The following CTNND2 variants were observed in gnomAD, a reference collection of about 807,000 sequenced individuals.
The protein encoded by CTNND2 is catenin delta 2, also known as catenin delta-2.
A neutral mutation model predicts 144.4 loss-of-function variants in CTNND2; 22 were observed. That is an observed-to-expected ratio of 0.15 (90% CI 0.11 to 0.22). The LOEUF is 0.22. Ranked by LOEUF, CTNND2 falls within the 10% of genes least tolerant of loss-of-function variation. The probability of loss-of-function intolerance (pLI) is 1.00; values close to 1 mark genes in which losing one functional copy is unlikely to be tolerated. For missense variants in CTNND2, 1,353 were observed against 1,618.8 expected (o/e 0.84, Z 2.82); for synonymous variants, 751 against 695.6 (o/e 1.08, Z -1.25).
At chr5:11,755,057 CTT>C (rs1788859302) in intron 1 of CTNND2, among the ~76,000 whole-genome samples, 1 of 151,416 alleles carries the variant, frequency 6.6e-6, no homozygotes, top group Non-Finnish European at 1.5e-5. Context: ...AGTTGTGTGT[CTT>C]TTTGTGGTGG....
intron 3 of CTNND2, among the ~76,000 whole-genome samples, chr5:11,479,195 C>T (rs1030218251): frequency 6.6e-6 from 1 of 152,076 alleles, no homozygotes; most frequent in African/African-American, 2.4e-5. Flanking sequence ...TTCCCCTCTT[C>T]GTGTCCATGT....
chr5:11,457,070 C>A (rs1170332123), intron 3 of CTNND2, among the ~76,000 whole-genome samples: 1 of 152,128 alleles, frequency 6.6e-6, no homozygotes, highest in African/African-American at 2.4e-5. Context: ...CGTATATTGT[C>A]TCATTTAATT....
At position 11,061,442 on chromosome 5, in the gene CTNND2, A is replaced by T. The variant is rs534021964; in HGVS notation, c.2788+21254T>A. Among the ~76,000 whole-genome samples, 15 of 152,256 alleles carry T rather than the reference A, an allele frequency of 9.9e-5. 1 individual carries two copies. In the South Asian group the frequency reaches 2.3e-3, roughly 23 times the overall value. ...CCCGCACTCACCATCAGCATCTCTGACCTTTCCCTGCCTCGTTTTCCAGCT... is the reference window on the plus strand; with the variant it reads ...CCCGCACTCACCATCAGCATCTCTGTCCTTTCCCTGCCTCGTTTTCCAGCT... On this transcript the variant is annotated intron_variant, in intron 16 of 21. Coordinates refer to ENST00000304623, the MANE Select transcript of CTNND2 (RefSeq NM_001332.4).
intron 13 of CTNND2, among the ~76,000 whole-genome samples, chr5:11,114,835 T>C (rs990702044): frequency 3.9e-5 from 6 of 152,128 alleles, no homozygotes; most frequent in African/African-American, 1.4e-4. Context: ...CAATTTGTCA[T>C]TGTGAAAGCT....
At chr5:11,340,207 C>T (rs370582649) in intron 9 of CTNND2, among the ~76,000 whole-genome samples, 1 of 152,204 alleles carries the variant, frequency 6.6e-6, no homozygotes, top group Admixed American at 6.5e-5. Flanking sequence ...TGTACCAGCC[C>T]TCACCTCCTC....
Position 11,652,536 on chromosome 5 carries a change from T to A in CTNND2, c.174+79600A>T, listed in dbSNP as rs115921654. Among the ~76,000 whole-genome samples the A allele has an allele frequency of 8.0e-3, 1,223 of 152,344 alleles. 11 individuals are homozygous for A. Among genetic ancestry groups the A allele is most frequent in the African/African-American group, 0.027 (1,137 of 41,584 alleles). ...ATTGACATTTGTGAATGGCACCTTT[T>A]CTCACTATATTGTTATTGCTAGTCT... On this transcript the variant is annotated intron_variant, in intron 2 of 21. Transcript: ENST00000304623.
intron 7 of CTNND2, among the ~76,000 whole-genome samples, chr5:11,371,626 A>G (rs1757486882): frequency 6.6e-6 from 1 of 152,200 alleles, no homozygotes; most frequent in African/African-American, 2.4e-5. Flanking sequence ...ATGTTAATTC[A>G]AAACTTAAAT....
At chr5:11,641,745 C>CAT (rs1554098219) in intron 2 of CTNND2, among the ~76,000 whole-genome samples, 2 of 134,690 alleles carry the variant, frequency 1.5e-5, no homozygotes, top group East Asian at 2.6e-4. Flanking sequence ...TATACATATA[C>CAT]GTGTGTATGT....
At chr5:11,891,681 C>G (rs1451634561) in intron 1 of CTNND2, among the ~76,000 whole-genome samples, 1 of 152,174 alleles carries the variant, frequency 6.6e-6, no homozygotes, top group Non-Finnish European at 1.5e-5. Context: ...GAGGAGAGCC[C>G]TCACCTGGAA....
At chr5:11,392,260 A>C (rs1759700275) in intron 6 of CTNND2, among the ~76,000 whole-genome samples, 1 of 152,220 alleles carries the variant, frequency 6.6e-6, no homozygotes, top group Non-Finnish European at 1.5e-5. Flanking sequence ...AAAACTGATT[A>C]GGATCATTAT....
At chr5:11,378,511 TTTTAAC>T (rs1347191506) in intron 7 of CTNND2, among the ~76,000 whole-genome samples, 3 of 152,230 alleles carry the variant, frequency 2.0e-5, no homozygotes, top group Admixed American at 6.5e-5. Context: ...CACTGGAATT[TTTTAAC>T]TTTAAGTGAC....
At chr5:11,763,997 G>A (rs1789433085) in intron 1 of CTNND2, among the ~76,000 whole-genome samples, 1 of 152,066 alleles carries the variant, frequency 6.6e-6, no homozygotes, top group Admixed American at 6.6e-5. Flanking sequence ...TAGGGCACAT[G>A]AAAGTTAGGT....
intron 9 of CTNND2, among the ~76,000 whole-genome samples, chr5:11,292,390 T>C (rs7733320): frequency 6.6e-6 from 1 of 152,090 alleles, no homozygotes; most frequent in Non-Finnish European, 1.5e-5. Context: ...TGGGCCCAGA[T>C]ATTGATATGG....
intron 5 of CTNND2, among the ~76,000 whole-genome samples, chr5:11,398,733 C>CA (rs1259376604): frequency 6.6e-6 from 1 of 152,142 alleles, no homozygotes; most frequent in Non-Finnish European, 1.5e-5. Flanking sequence ...CAGATGGTAA[C>CA]ATTTCCAATA....
chr5:11,545,370 C>T (rs1775140485), intron 3 of CTNND2, among the ~76,000 whole-genome samples: 1 of 150,724 alleles, frequency 6.6e-6, no homozygotes, highest in African/African-American at 2.4e-5. Context: ...ATAAAATGAG[C>T]CTATAGAAAA....
chr5:10,988,257 C>T lies in CTNND2; in HGVS notation c.3212-15G>A, dbSNP rs1394353251. 2 of 1,613,948 alleles carry T rather than the reference C, an allele frequency of 1.2e-6. No individual in the cohort carries two copies. The highest frequency in any genetic ancestry group is 4.5e-5 in the East Asian group (2 of 44,868). ...TGGGGCACTTGCTACATAAAGAAAT[C>T]AAAAGGGGGATTTTCTGCATCTCAT... is the stretch of plus-strand genomic sequence containing the variant. On this transcript the variant is annotated splice_polypyrimidine_tract_variant and intron_variant, in intron 19 of 21. Transcript: ENST00000304623. The surrounding 1 kb of genome is among the most constrained non-coding windows in gnomAD (Gnocchi z 5.9).
chr5:11,554,485 T>C (rs140732352), intron 3 of CTNND2, among the ~76,000 whole-genome samples: 34 of 151,846 alleles, frequency 2.2e-4, no homozygotes, highest in African/African-American at 6.8e-4. Flanking sequence ...CTAGACACCA[T>C]TGAATCTATA....
chr5:11,691,129 C>T (rs1162608629), intron 2 of CTNND2, among the ~76,000 whole-genome samples: 7 of 151,880 alleles, frequency 4.6e-5, no homozygotes, highest in South Asian at 4.2e-4. Context: ...CCCAGCACTT[C>T]GGGAGGCCGA....
chr5:11,487,543 G>A (rs1337413372), intron 3 of CTNND2, among the ~76,000 whole-genome samples: 2 of 152,080 alleles, frequency 1.3e-5, no homozygotes, highest in Non-Finnish European at 2.9e-5. Flanking sequence ...ATCCATGAAG[G>A]TGGCATGTGG....
Sources: allele counts gnomAD v4.1 joint callset (sites outside exome capture counted in the v4.1 genomes callset), GRCh38; gene constraint gnomAD v4.1.1; non-coding constraint Gnocchi (gnomAD v3.1); transcripts MANE v1.5; gene names NCBI Gene and HGNC (gene_info 2026-07-23, HGNC 2026-07-21).